POMT2: variants seen among roughly 807,000 people sequenced by gnomAD.
POMT2 encodes the protein protein O-mannosyltransferase 2, also known as protein O-mannosyl-transferase 2.
A neutral mutation model predicts 100.0 loss-of-function variants in POMT2; 75 were observed. That is an observed-to-expected ratio of 0.75 (90% confidence interval 0.62 to 0.91). The LOEUF (loss-of-function observed/expected upper bound fraction) is 0.91. Among genes scored for constraint, POMT2 ranks in the 40% least tolerant of loss-of-function variants. The probability of loss-of-function intolerance (pLI) is 0.00; values close to 1 mark genes in which losing one functional copy is unlikely to be tolerated. For missense variants in POMT2, 940 were observed against 955.1 expected, an observed-to-expected ratio of 0.98 and a Z score of 0.21; for synonymous variants, 378 against 374.1, an observed-to-expected ratio of 1.01 and a Z score of -0.12.
intron 5 of POMT2, among the ~76,000 whole-genome samples, chr14:77,302,108 A>G (rs1891065465): frequency 6.6e-6 from 1 of 152,218 alleles, no homozygotes; most frequent in Non-Finnish European, 1.5e-5. Context: ...AGCACAATGG[A>G]GCTTAATGAG....
At chr14:77,290,585 C>A (rs1450921011) in intron 10 of POMT2, among the ~76,000 whole-genome samples, 1 of 152,216 alleles carries the variant, frequency 6.6e-6, no homozygotes, top group East Asian at 1.9e-4. Flanking sequence ...GCAGAGATGA[C>A]AGGCTCGGAA....
intron 1 of POMT2, among the ~76,000 whole-genome samples, chr14:77,315,200 G>A (rs1177669056): frequency 6.6e-6 from 1 of 152,166 alleles, no homozygotes; most frequent in Non-Finnish European, 1.5e-5. Context: ...CAGGACTGCA[G>A]GGACAGCCAT....
intron 1 of POMT2, chr14:77,312,323 T>G: frequency 3.1e-6 from 1 of 317,692 alleles, no homozygotes; most frequent in Non-Finnish European, 5.8e-6. Context: ...TCTATTTATT[T>G]TAAAAGGACA....
chr14:77,291,782 C>T (rs1263778456), intron 9 of POMT2, among the ~76,000 whole-genome samples: 1 of 152,194 alleles, frequency 6.6e-6, no homozygotes, highest in Non-Finnish European at 1.5e-5. Flanking sequence ...CCTGTAATCC[C>T]AGCACTTTGG....
chr14:77,289,604 G>C (rs1890569864), intron 10 of POMT2, among the ~76,000 whole-genome samples: 1 of 152,160 alleles, frequency 6.6e-6, no homozygotes, highest in Non-Finnish European at 1.5e-5. Flanking sequence ...GACTTTAGTA[G>C]TAATAACAGC....
chr14:77,284,417 C>T (rs1177452100), intron 14 of POMT2: 2 of 208,322 alleles, frequency 9.6e-6, no homozygotes, highest in Non-Finnish European at 2.0e-5. Flanking sequence ...AATGAAGGCA[C>T]ACATAAGCTT....
rs763489765 is a variant in POMT2 at position 77,306,354 on chromosome 14, A to G, written c.421T>C (p.Tyr141His). 1 of 1,612,948 alleles carries G rather than the reference A, an allele frequency of 6.2e-7. No homozygotes were observed. Among genetic ancestry groups the G allele is most frequent in the Non-Finnish European group, 8.5e-7 (1 of 1,178,994 alleles). Residue 141 changes from tyrosine (Y) to histidine (H), a missense_variant, in exon 3 of 21, where the codon TAC (tyrosine) becomes CAC (histidine). Transcript: ENST00000261534. ...KPGDKYEHHS[Y>H]MGMRGFCAFL... ...AGCCTTACTCCTCTCATTCCCATGTAGCTGTGATGCTCATATTTATCCCCA... is the reference window on the plus strand; with the variant it reads ...AGCCTTACTCCTCTCATTCCCATGTGGCTGTGATGCTCATATTTATCCCCA...
At chr14:77,285,379 C>T (rs944062797) in intron 13 of POMT2, 102 bp downstream of exon 13, 2 of 1,479,218 alleles carry the variant, frequency 1.4e-6, no homozygotes, top group East Asian at 2.3e-5. Context: ...AACAAGCAGA[C>T]AGCAGGTGAA....
chr14:77,299,681 AGG>A lies in POMT2; in HGVS notation c.817-122_817-121del, dbSNP rs1890951673. ...GTCATAATCATAAAAAATGGCCAAGAGGAGAGAGAAGAATATGTGGAAACCCT... is the reference window on the plus strand; with the variant it reads ...GTCATAATCATAAAAAATGGCCAAGAAGAGAGAAGAATATGTGGAAACCCT... On this transcript the variant is annotated intron_variant, in intron 6 of 20. Transcript: ENST00000261534. 3.9e-6 allele frequency: 3 copies of A among 776,882 alleles called. No homozygotes were observed. In the South Asian group the frequency reaches 4.3e-5, roughly 11 times the overall value. 48.1% of individuals were successfully genotyped at this position (776,882 alleles called of 1,614,324 possible).
intron 3 of POMT2, among the ~76,000 whole-genome samples, chr14:77,305,137 C>T (rs953176988): frequency 3.3e-5 from 5 of 152,110 alleles, no homozygotes; most frequent in African/African-American, 1.2e-4. Flanking sequence ...GTTATTAACA[C>T]ACAGATAGTA....
At chr14:77,301,718 C>T (rs1470070085) in intron 5 of POMT2, among the ~76,000 whole-genome samples, 1 of 152,218 alleles carries the variant, frequency 6.6e-6, no homozygotes, top group East Asian at 1.9e-4. Context: ...GCCGTCACTA[C>T]AGCACACAGA....
At chr14:77,294,670 G>A (rs763289181) in intron 9 of POMT2, among the ~76,000 whole-genome samples, 4 of 152,062 alleles carry the variant, frequency 2.6e-5, no homozygotes, top group Non-Finnish European at 5.9e-5. Context: ...TTTGCCTGCC[G>A]CCATCCACAT....
At chr14:77,287,351 T>C (rs1423455703) in intron 11 of POMT2, 1 of 152,124 alleles carries the variant, frequency 6.6e-6, no homozygotes, top group Admixed American at 6.5e-5. Context: ...GAACAAATAA[T>C]AAATGTTCAT....
intron 8 of POMT2, among the ~76,000 whole-genome samples, chr14:77,297,593 T>G (rs1271930037): frequency 6.6e-6 from 1 of 152,196 alleles, no homozygotes; most frequent in Non-Finnish European, 1.5e-5. Flanking sequence ...CTTCCCAGTC[T>G]GGGAGAGTCC....
chr14:77,304,398 C>T (rs1419971333), intron 4 of POMT2, among the ~76,000 whole-genome samples: 2 of 152,222 alleles, frequency 1.3e-5, no homozygotes, highest in Non-Finnish European at 2.9e-5. Context: ...TACTCACATA[C>T]AAATCTATCT....
In POMT2 at chr14:77,278,904, A is replaced by G. The variant is rs768476057; in HGVS notation, c.1892-35T>C. On this transcript the variant is annotated intron_variant, in intron 18 of 20. Coordinates refer to ENST00000261534, the MANE Select transcript of POMT2 (RefSeq NM_013382.7). ...AGCAGCACAGCCCAGTCAGAAGACA[A>G]GGAGCGGGCAGAGATTCCAGGCTCT... 9 of 1,604,322 alleles carry G rather than the reference A, an allele frequency of 5.6e-6. No individual in the cohort carries two copies. The Admixed American group carries it at 1.2e-4, about 21-fold the overall frequency.
rs1890152013 is a variant in POMT2 at position 77,280,011 on chromosome 14, A to G, written c.1785+10T>C. 1.2e-6 allele frequency: 2 copies of G among 1,614,038 alleles called. No homozygotes were observed. The highest frequency in any genetic ancestry group is 1.7e-6 in the Non-Finnish European group (2 of 1,180,016). ...TCCAGGGCCTGAGCCGGGAATGTTT[A>G]GGCACTCACCGGGTTGCCAAGCAGA... On this transcript the variant is annotated intron_variant, in intron 17 of 20. Transcript: ENST00000261534.
At chr14:77,315,725 G>A (rs1003895792) in intron 1 of POMT2, among the ~76,000 whole-genome samples, 5 of 152,212 alleles carry the variant, frequency 3.3e-5, no homozygotes, top group East Asian at 1.9e-4. Context: ...TAAAAACTTC[G>A]TGGCGGCTGG....
intron 10 of POMT2, 67 bp downstream of exon 10, chr14:77,291,247 T>A: frequency 6.9e-7 from 1 of 1,458,836 alleles, no homozygotes; most frequent in Non-Finnish European, 9.5e-7. Context: ...TTTGCAGGCA[T>A]GAGAAATCTT....
Sources: allele counts gnomAD v4.1 joint callset (sites outside exome capture counted in the v4.1 genomes callset), GRCh38; gene constraint gnomAD v4.1.1; transcripts MANE v1.5; gene names NCBI Gene and HGNC (gene_info 2026-07-23, HGNC 2026-07-21).